The following SVIL variants were observed in gnomAD, a reference collection of about 807,000 sequenced individuals.
The protein encoded by SVIL is supervillin.
In SVIL, 101 loss-of-function variants were observed where a neutral mutation model predicts 240.4. That is an observed-to-expected ratio of 0.42 (90% confidence interval 0.36 to 0.50). The LOEUF (loss-of-function observed/expected upper bound fraction) is 0.50, where lower values mean the gene tolerates loss of function less well. Among genes scored for constraint, SVIL ranks in the 20% least tolerant of loss-of-function variants. The pLI, the probability that SVIL is intolerant of heterozygous loss-of-function variation, is 0.01. For synonymous variants in SVIL, 999 were observed against 1,100.0 expected (o/e 0.91, Z 1.82); for missense variants, 2,512 against 2,818.7 (o/e 0.89, Z 2.46).
At chr10:29,509,369 GAGAGAGAGA>G (rs1949653288) in intron 17 of SVIL, among the ~76,000 whole-genome samples, 1 of 138,104 alleles carries the variant, frequency 7.2e-6, no homozygotes, top group Non-Finnish European at 1.6e-5. Context: ...GAGAGAGAGA[GAGAGAGAGA>G]GAATACCCAA....
At position 29,655,876 on chromosome 10, in the gene SVIL, T is replaced by G. The variant is rs868555371; in HGVS notation, c.-201+2093A>C. Among the ~76,000 whole-genome samples, 120 of 79,082 alleles carry G rather than the reference T, an allele frequency of 1.5e-3. 3 individuals are homozygous for G. The South Asian group carries it at 0.036, about 24-fold the overall frequency. 51.9% of individuals were successfully genotyped at this position (79,082 alleles called of 152,430 possible). ...GTCTGTTGAGTGTGTATGTGTGGGT[T>G]TTTTTTTTTTTTTTCTGTTTCTTTT... On this transcript the variant is annotated intron_variant, in intron 3 of 35. Transcript: ENST00000375400.
intron 1 of SVIL, among the ~76,000 whole-genome samples, chr10:29,632,112 A>C (rs1159836418): frequency 2.0e-5 from 3 of 152,232 alleles, no homozygotes; most frequent in African/African-American, 7.2e-5. Flanking sequence ...GTAGCCCGAG[A>C]GCCCTGCATG....
chr10:29,505,564 G>A (rs1188896321), intron 17 of SVIL, among the ~76,000 whole-genome samples: 2 of 152,118 alleles, frequency 1.3e-5, no homozygotes, highest in African/African-American at 2.4e-5. Context: ...GATCTTCAGG[G>A]CAGGGAAACG....
chr10:29,458,857 A>G, intron 36 of SVIL: 1 of 218,920 alleles, frequency 4.6e-6, no homozygotes, highest in Non-Finnish European at 9.0e-6. Context: ...CTCAGGCTGG[A>G]GTGCAGTGGT....
At chr10:29,492,131 GA>G (rs988562311) in intron 21 of SVIL, among the ~76,000 whole-genome samples, 1 of 152,028 alleles carries the variant, frequency 6.6e-6, no homozygotes, top group African/African-American at 2.4e-5. Context: ...TTCCTTTGGG[GA>G]AACCACCTCA....
In SVIL at chr10:29,523,503, A is replaced by T; in HGVS notation, c.3111T>A (p.Phe1037Leu). 6.2e-7 allele frequency: 1 copy of T among 1,613,454 alleles called. No individual in the cohort carries two copies. The highest frequency in any genetic ancestry group is 1.3e-5 in the African/African-American group (1 of 74,980). The change falls in exon 15 of 38, where the codon TTT (phenylalanine) becomes TTA (leucine). Residue 1037 changes from phenylalanine (F) to leucine (L), a missense_variant. Physicochemically the swap from Phe to Leu is conservative, Grantham distance 22. Transcript: ENST00000355867. The stretch of plus-strand genomic sequence containing the variant: ...CATTCTCCACCTCCACCTTCTCTTC[A>T]AAGGGCAGCCTGTCCCTCAAGTCCA... ...GNLDLRDRLP[F>L]EEKVEVENVM...
upstream of SVIL, among the ~76,000 whole-genome samples, chr10:29,635,663 A>AT (rs1219883778): frequency 2.6e-5 from 4 of 152,298 alleles, no homozygotes; most frequent in Admixed American, 6.5e-5. Context: ...GGCCATATGC[A>AT]TTTTTTTAAA....
chr10:29,631,849 G>A (rs1289588632), intron 1 of SVIL, among the ~76,000 whole-genome samples: 1 of 152,194 alleles, frequency 6.6e-6, no homozygotes, highest in Non-Finnish European at 1.5e-5. Context: ...GACCTAAAGG[G>A]AGAGGAGTCA....
At chr10:29,506,748 A>AGAGGGAAAGGACAGAGGCCCTAT (rs1949360232) in intron 17 of SVIL, among the ~76,000 whole-genome samples, 6 of 139,006 alleles carry the variant, frequency 4.3e-5, no homozygotes, top group South Asian at 4.8e-4. Context: ...CAGAGGCCCT[A>AGAGGGAAAGGACAGAGGCCCTAT]GAGGGAGGGG....
In SVIL at chr10:29,533,390, G is replaced by T; in HGVS notation, c.977C>A (p.Ser326Tyr). Residue 326 changes from serine to tyrosine, a missense_variant, in exon 8 of 38, where the codon TCC becomes TAC. By Grantham distance (144) the Ser-to-Tyr change is moderately radical. Coordinates refer to ENST00000355867, the MANE Select transcript of SVIL (RefSeq NM_021738.3). ...ARNSPELASE[S>Y]VTQRRHQPAP... is the part of the protein sequence containing the mutation. ...TGGCTGGTGTCTCCTCTGAGTTACG[G>T]ACTCTGAGGCGAGTTCAGGGCTGTT... 1 of 1,614,184 alleles carries T rather than the reference G, an allele frequency of 6.2e-7. No individual in the cohort carries two copies. Among genetic ancestry groups the T allele is most frequent in the Non-Finnish European group, 8.5e-7 (1 of 1,180,040 alleles).
At chr10:29,691,734 A>C (rs1016036983) in intron 1 of SVIL, among the ~76,000 whole-genome samples, 2 of 152,178 alleles carry the variant, frequency 1.3e-5, no homozygotes, top group African/African-American at 4.8e-5. Flanking sequence ...CAGGTTTCCA[A>C]GGACAACAAA....
intron 2 of SVIL, among the ~76,000 whole-genome samples, chr10:29,668,045 C>T (rs1302707201): frequency 6.6e-6 from 1 of 152,136 alleles, no homozygotes; most frequent in African/African-American, 2.4e-5. Flanking sequence ...TTTACTAACT[C>T]CCAGGTCCAA....
At chr10:29,666,057 G>A (rs1316891752) in intron 2 of SVIL, among the ~76,000 whole-genome samples, 5 of 152,170 alleles carry the variant, frequency 3.3e-5, no homozygotes, top group Non-Finnish European at 7.3e-5. Context: ...AGCTAGCCCT[G>A]TAGGCACATG....
chr10:29,503,765 T>C (rs1949069118), intron 17 of SVIL, among the ~76,000 whole-genome samples: 1 of 152,360 alleles, frequency 6.6e-6, no homozygotes, highest in South Asian at 2.1e-4. Flanking sequence ...TTTGTTAAGA[T>C]GGCAGGTTTT....
At position 29,550,713 on chromosome 10, in the gene SVIL, G is replaced by T. The variant is rs74392607; in HGVS notation, c.711C>A (p.Ser237=). 3.1e-6 allele frequency: 5 copies of T among 1,614,170 alleles called. No homozygotes were observed. Among genetic ancestry groups the T allele is most frequent in the Non-Finnish European group, 4.2e-6 (5 of 1,180,030 alleles). Residue 237 remains serine, a synonymous_variant, in exon 6 of 38, where the codon TCC becomes TCA. Transcript: ENST00000355867. ...SSTFSFSGRD[S]SFTEVPRSPK... ...GGGACCGTGGCACTTCAGTGAAGGA[G>T]GAGTCTCGCCCAGAGAAAGAGAAGG...
intron 1 of SVIL, among the ~76,000 whole-genome samples, chr10:29,707,702 A>C (rs1962986947): frequency 6.6e-6 from 1 of 152,204 alleles, no homozygotes; most frequent in Non-Finnish European, 1.5e-5. Flanking sequence ...TAATCAGTTT[A>C]AAATAATGTG....
At position 29,532,518 on chromosome 10, in the gene SVIL, G is replaced by A. The variant is rs770671368; in HGVS notation, c.1838+11C>T. ...GTGACACAGCTGGAGGGCGTGTGAA[G>A]CATCACCTACAGTTCAGGTCTCCTG... On this transcript the variant is annotated intron_variant, in intron 8 of 37. Coordinates refer to ENST00000355867, the MANE Select transcript of SVIL (RefSeq NM_021738.3). 8.1e-6 allele frequency: 13 copies of A among 1,595,558 alleles called. No homozygotes were observed. The highest frequency in any genetic ancestry group is 8.6e-6 in the Non-Finnish European group (10 of 1,167,436).
chr10:29,690,579 CCTGT>C (rs759609940), intron 1 of SVIL, among the ~76,000 whole-genome samples: 9 of 152,036 alleles, frequency 5.9e-5, no homozygotes, highest in South Asian at 2.1e-4. Flanking sequence ...TTTTATTTCA[CCTGT>C]CTGTCATAAA....
chr10:29,526,407 C>T (rs112092580), intron 13 of SVIL, among the ~76,000 whole-genome samples: 4 of 148,124 alleles, frequency 2.7e-5, no homozygotes, highest in Admixed American at 7.0e-5. Flanking sequence ...CAGGTTCAAG[C>T]GATTCTCCTG....
Sources: gnomAD v4.1 joint callset for allele counts (sites outside exome capture counted in the v4.1 genomes callset) on GRCh38, gnomAD v4.1.1 for gene constraint, MANE v1.5 for transcripts, NCBI Gene and HGNC (gene_info 2026-07-23, HGNC 2026-07-21) for gene names.